DOK6: variants seen among roughly 807,000 people sequenced by gnomAD.
The protein encoded by DOK6 is downstream of tyrosine kinase 6.
A neutral mutation model predicts 44.0 loss-of-function variants in DOK6; 22 were observed. That is an observed-to-expected ratio of 0.50 (90% CI 0.36 to 0.71). The LOEUF (loss-of-function observed/expected upper bound fraction) is 0.71, where lower values mean the gene tolerates loss of function less well. DOK6 is among the 30% of genes least tolerant of loss of function. The pLI, the probability that DOK6 is intolerant of heterozygous loss-of-function variation, is 0.00. For missense variants in DOK6, 340 were observed against 416.4 expected (o/e 0.82, Z 1.60); for synonymous variants, 166 against 145.5 (o/e 1.14, Z -1.01).
At chr18:69,427,325 G>T (rs1480546762) in intron 1 of DOK6, among the ~76,000 whole-genome samples, 1 of 152,118 alleles carries the variant, frequency 6.6e-6, no homozygotes, top group African/African-American at 2.4e-5. Context: ...GACAGGAACA[G>T]ATACTTCTCA....
At chr18:69,817,654 T>A (rs899390017) in intron 7 of DOK6, among the ~76,000 whole-genome samples, 2 of 152,188 alleles carry the variant, frequency 1.3e-5, no homozygotes, top group African/African-American at 4.8e-5. Flanking sequence ...GACCCACCCT[T>A]GTGACCTCAT....
At chr18:69,648,361 T>C (rs1051995114) in intron 3 of DOK6, among the ~76,000 whole-genome samples, 3 of 152,220 alleles carry the variant, frequency 2.0e-5, no homozygotes, top group Non-Finnish European at 4.4e-5. Flanking sequence ...TTCTAACCTG[T>C]ACACCAAACC....
intron 6 of DOK6, among the ~76,000 whole-genome samples, chr18:69,754,203 G>T (rs1979279492): frequency 6.6e-6 from 1 of 151,720 alleles, no homozygotes; most frequent in Non-Finnish European, 1.5e-5. Context: ...CTTTGTTGAA[G>T]CCTGTCATCA....
chr18:69,668,156 C>A (rs2144677615), intron 3 of DOK6, among the ~76,000 whole-genome samples: 1 of 152,152 alleles, frequency 6.6e-6, no homozygotes, highest in African/African-American at 2.4e-5. Context: ...CTGAATATAT[C>A]CTAAATGTGA....
At chr18:69,720,144 G>T (rs1986975139) in intron 5 of DOK6, among the ~76,000 whole-genome samples, 1 of 152,022 alleles carries the variant, frequency 6.6e-6, no homozygotes, top group Admixed American at 6.6e-5. Flanking sequence ...AGCCCAGATT[G>T]TGCCACTGCA....
chr18:69,449,332 C>T (rs1363648089), intron 1 of DOK6, among the ~76,000 whole-genome samples: 1 of 152,002 alleles, frequency 6.6e-6, no homozygotes, highest in Non-Finnish European at 1.5e-5. Flanking sequence ...ATCTAATATG[C>T]AGAATTGAGG....
chr18:69,448,435 G>A (rs559156368), intron 1 of DOK6, among the ~76,000 whole-genome samples: 232 of 152,112 alleles, frequency 1.5e-3, no homozygotes, highest in South Asian at 5.6e-3. Flanking sequence ...CCAATGGCGC[G>A]TTCTCAGCTC....
chr18:69,677,186 T>C (rs1266682802), intron 3 of DOK6, among the ~76,000 whole-genome samples: 1 of 152,070 alleles, frequency 6.6e-6, no homozygotes, highest in Non-Finnish European at 1.5e-5. Context: ...CAAATCTAAG[T>C]CACTTTCAGG....
chr18:69,810,925 A>G (rs1981203390), intron 7 of DOK6, among the ~76,000 whole-genome samples: 1 of 152,080 alleles, frequency 6.6e-6, no homozygotes, highest in Admixed American at 6.6e-5. Context: ...AAACTACCAT[A>G]GGGTCCAGCA....
intron 2 of DOK6, among the ~76,000 whole-genome samples, chr18:69,597,420 G>T (rs1260666035): frequency 6.6e-6 from 1 of 152,062 alleles, no homozygotes; most frequent in East Asian, 1.9e-4. Context: ...TTTTATTGTT[G>T]CTCTTTAAAG....
intron 1 of DOK6, among the ~76,000 whole-genome samples, chr18:69,459,155 C>G (rs1979715986): frequency 8.3e-6 from 1 of 120,540 alleles, no homozygotes; most frequent in South Asian, 2.8e-4. Flanking sequence ...AATACCTAAC[C>G]AAGGAGGTGA....
At chr18:69,581,956 G>C (rs1433097555) in intron 2 of DOK6, among the ~76,000 whole-genome samples, 2 of 152,196 alleles carry the variant, frequency 1.3e-5, no homozygotes, top group Non-Finnish European at 2.9e-5. Context: ...AGATGGGCCT[G>C]ACATGCTGCC....
chr18:69,503,586 A>C (rs1981103986), intron 1 of DOK6, among the ~76,000 whole-genome samples: 1 of 152,134 alleles, frequency 6.6e-6, no homozygotes, highest in African/African-American at 2.4e-5. Context: ...ACTTTAAAAC[A>C]GTAAAATTAC....
chr18:69,662,639 C>A (rs1317868342), intron 3 of DOK6: 1 of 152,104 alleles, frequency 6.6e-6, no homozygotes, highest in Admixed American at 6.5e-5. Flanking sequence ...TTTTAATGAA[C>A]CAAAGCAAGT....
At chr18:69,724,510 T>C (rs542016921) in intron 5 of DOK6, among the ~76,000 whole-genome samples, 1 of 152,278 alleles carries the variant, frequency 6.6e-6, no homozygotes, top group East Asian at 1.9e-4. Flanking sequence ...AAATAAAATA[T>C]ATAGTGCTTG....
At chr18:69,499,662 C>T (rs140628160) in intron 1 of DOK6, among the ~76,000 whole-genome samples, 325 of 152,246 alleles carry the variant, frequency 2.1e-3, no homozygotes, top group African/African-American at 6.8e-3. Flanking sequence ...GCCCAGACTT[C>T]GGCTTCCTAC....
chr18:69,630,251 C>T (rs955574111), intron 3 of DOK6, among the ~76,000 whole-genome samples: 1 of 152,090 alleles, frequency 6.6e-6, no homozygotes, highest in Admixed American at 6.6e-5. Context: ...AGACCTAACA[C>T]TTGACCATTT....
chr18:69,738,913 A>G (rs1027336200), intron 5 of DOK6, 52 bp from the exon 6 acceptor site: 8 of 1,599,118 alleles, frequency 5.0e-6, no homozygotes, highest in Non-Finnish European at 6.8e-6. Context: ...GAAAACTGTT[A>G]TGCACTTGAA....
chr18:69,763,309 A>C (rs1979621617), intron 7 of DOK6, among the ~76,000 whole-genome samples: 1 of 152,212 alleles, frequency 6.6e-6, no homozygotes, highest in Admixed American at 6.5e-5. Context: ...GAGTATCATA[A>C]GGATAGTTGA....
Sources: gnomAD v4.1 joint callset for allele counts (sites outside exome capture counted in the v4.1 genomes callset) on GRCh38, gnomAD v4.1.1 for gene constraint, MANE v1.5 for transcripts, NCBI Gene and HGNC (gene_info 2026-07-23, HGNC 2026-07-21) for gene names.